The following FRMD4B variants were observed in gnomAD, a reference collection of about 807,000 sequenced individuals.
FRMD4B encodes the protein FERM domain-containing protein 4B.
Under a neutral mutation model 141.5 loss-of-function variants are expected in FRMD4B, and 74 were observed. That is an observed-to-expected ratio of 0.52 (90% confidence interval 0.43 to 0.63). FRMD4B has a LOEUF of 0.63. FRMD4B is among the 30% of genes least tolerant of loss of function. The probability of loss-of-function intolerance (pLI) is 0.00; values close to 1 mark genes in which losing one functional copy is unlikely to be tolerated. For synonymous variants in FRMD4B, 506 were observed against 467.9 expected (o/e 1.08, Z -1.05); for missense variants, 1,366 against 1,253.4 (o/e 1.09, Z -1.36).
intron 7 of FRMD4B, among the ~76,000 whole-genome samples, chr3:69,241,855 C>T (rs550125335): frequency 1.3e-5 from 2 of 151,314 alleles, no homozygotes; most frequent in Non-Finnish European, 1.5e-5. Flanking sequence ...GGCAACACAG[C>T]GAGGATCCAT....
chr3:69,181,330 G>A lies in FRMD4B; in HGVS notation c.2420C>T (p.Ala807Val), dbSNP rs1399554020. The A allele has an allele frequency of 1.9e-6, 3 of 1,613,748 alleles. No individual in the cohort carries two copies. Among genetic ancestry groups the A allele is most frequent in the Non-Finnish European group, 1.7e-6 (2 of 1,179,806 alleles). The change falls in exon 21 of 23, where the codon GCC becomes GTC. Residue 807 changes from alanine (A) to valine (V), a missense_variant. Coordinates refer to ENST00000398540, the MANE Select transcript of FRMD4B (RefSeq NM_015123.3). The part of the protein sequence containing the change: ...QEPPSSSYYI[A>V]GYTPYAECDF... ...ACACTCTGCATAGGGTGTGTACCCG[G>A]CAATGTAGTAACTGGAAGACGGTGG...
intron 1 of FRMD4B, among the ~76,000 whole-genome samples, chr3:69,529,573 C>T (rs1375376862): frequency 6.6e-6 from 1 of 152,146 alleles, no homozygotes; most frequent in African/African-American, 2.4e-5. Flanking sequence ...CACACCCATC[C>T]TCAAAGGGCA....
chr3:69,502,604 T>G (rs1706517016), intron 1 of FRMD4B, among the ~76,000 whole-genome samples: 1 of 152,136 alleles, frequency 6.6e-6, no homozygotes, highest in African/African-American at 2.4e-5. Flanking sequence ...GGCAATACCA[T>G]TCAGGACATA....
In FRMD4B at chr3:69,488,812, G is replaced by A. The variant is rs576719343; in HGVS notation, c.-129+53394C>T. 6.0e-4 allele frequency among the ~76,000 whole-genome samples: 86 copies of A among 143,872 alleles called. 1 individual carries two copies. Among genetic ancestry groups the A allele is most frequent in the Non-Finnish European group, 1.1e-3 (72 of 67,194 alleles). The allele number at this position is 143,872 out of a possible 152,430, so 94.4% of individuals were successfully genotyped here. ...GGAGGCTGAGGCAAGAGAATCACTCGAACCCAGAAGGCAGAGGTTGCAGTG... is the reference window on the plus strand; with the variant it reads ...GGAGGCTGAGGCAAGAGAATCACTCAAACCCAGAAGGCAGAGGTTGCAGTG... On this transcript the variant is annotated intron_variant, in intron 1 of 5. Coordinates refer to the FRMD4B transcript ENST00000459638.
chr3:69,481,444 A>G (rs1052693296), intron 1 of FRMD4B, among the ~76,000 whole-genome samples: 9 of 152,128 alleles, frequency 5.9e-5, no homozygotes, highest in African/African-American at 2.2e-4. Context: ...ACCTATCAGG[A>G]CTTTTTTGGT....
chr3:69,178,651 G>A (rs2092674453), intron 21 of FRMD4B, among the ~76,000 whole-genome samples: 1 of 145,530 alleles, frequency 6.9e-6, no homozygotes, highest in South Asian at 2.2e-4. Context: ...CAATGTGGGT[G>A]ACAGACTGAG....
intron 1 of FRMD4B, among the ~76,000 whole-genome samples, chr3:69,380,287 C>G (rs1040457143): frequency 2.6e-5 from 4 of 152,156 alleles, no homozygotes; most frequent in East Asian, 1.9e-4. Context: ...TTCACAGTCT[C>G]TCTTACTGAG....
chr3:69,340,769 T>A (rs1207728406), intron 1 of FRMD4B, among the ~76,000 whole-genome samples: 1 of 152,190 alleles, frequency 6.6e-6, no homozygotes, highest in African/African-American at 2.4e-5. Context: ...GTCTTTTAGT[T>A]CTCTATACTT....
chr3:69,358,719 C>G (rs7611647), intron 1 of FRMD4B, among the ~76,000 whole-genome samples: 43,552 of 152,050 alleles, frequency 0.29, 7,575 homozygotes, highest in East Asian at 0.6. Context: ...CTGGGTGACA[C>G]AGTGAGACCC....
rs2092890152 is a variant in FRMD4B, at chr3:69,195,300, C to T, written c.1299G>A (p.Lys433=). The T allele has an allele frequency of 6.2e-7, 1 of 1,613,224 alleles. No homozygotes were observed. Among genetic ancestry groups the T allele is most frequent in the African/African-American group, 1.3e-5 (1 of 74,838 alleles). The change falls in exon 15 of 23, where the codon AAG becomes AAA. Residue 433 remains lysine (K), a synonymous_variant. Transcript: ENST00000398540. ...GAAGTTTTTCTTGTAATAGTTTCTC[C>T]TTCTTCTTTAGTTCAAGGATTTTTT... is the stretch of plus-strand genomic sequence containing the variant. ...KREKILELKK[K]EKLLQEKLLK... is the part of the protein sequence containing the mutation.
rs75996214 is a variant in FRMD4B, at chr3:69,232,652, G to A, written c.582-7962C>T. Among the ~76,000 whole-genome samples, 370 of 152,226 alleles carry A rather than the reference G, an allele frequency of 2.4e-3. 11 individuals are homozygous for A. The East Asian group carries it at 0.062, about 25-fold the overall frequency. ...TTTGTGTGTGCTGGAGTACTTGTGT[G>A]GAAAAAGCCACCCCCAGCAAATGGG... On this transcript the variant is annotated intron_variant, in intron 7 of 22. Transcript: ENST00000398540.
rs2092578940 is a variant in FRMD4B at position 69,170,811 on chromosome 3, CTTTTTT to C, written c.*1044_*1049del. On this transcript the variant is annotated 3_prime_UTR_variant, in exon 23 of 23. Coordinates refer to ENST00000398540, the MANE Select transcript of FRMD4B (RefSeq NM_015123.3). ...GCTTTTTGTCGTTGTTGTTGTTTTT[CTTTTTT>C]AATGTTAACCTTGTTTTTGTCACTT... 1 of 151,928 alleles carries C rather than the reference CTTTTTT, an allele frequency of 6.6e-6. No homozygotes were observed. The highest frequency in any genetic ancestry group is 1.5e-5 in the Non-Finnish European group (1 of 67,954). 9.4% of individuals were successfully genotyped at this position (151,928 alleles called of 1,614,324 possible). A position where few individuals can be genotyped will look rare whatever the true frequency, so the allele number is the denominator to read the frequency against.
intron 1 of FRMD4B, among the ~76,000 whole-genome samples, chr3:69,361,457 A>AT (rs1703467910): frequency 6.6e-6 from 1 of 152,154 alleles, no homozygotes; most frequent in Non-Finnish European, 1.5e-5. Context: ...TGTTATCCAC[A>AT]TCCCCCCCAA....
chr3:69,370,122 T>G (rs1417392523), intron 1 of FRMD4B, among the ~76,000 whole-genome samples: 1 of 151,780 alleles, frequency 6.6e-6, no homozygotes, highest in Non-Finnish European at 1.5e-5. Flanking sequence ...GTTTTTTTTT[T>G]TTTCTTTTGC....
chr3:69,347,745 T>C (rs984810662), intron 1 of FRMD4B, among the ~76,000 whole-genome samples: 1 of 152,038 alleles, frequency 6.6e-6, no homozygotes, highest in Non-Finnish European at 1.5e-5. Flanking sequence ...GGGTACATAA[T>C]GAAATGAAGG....
chr3:69,215,721 T>C (rs79046758), intron 11 of FRMD4B, among the ~76,000 whole-genome samples: 2,979 of 152,264 alleles, frequency 0.02, 104 homozygotes, highest in African/African-American at 0.069. Flanking sequence ...CATTGAGAGA[T>C]CACTAGCACC....
At chr3:69,476,215 C>T (rs999309360) in intron 1 of FRMD4B, among the ~76,000 whole-genome samples, 16 of 151,730 alleles carry the variant, frequency 1.1e-4, no homozygotes. Flanking sequence ...TAATTAGATC[C>T]CATTTGTCAA....
chr3:69,189,507 T>C (rs1401936436), intron 18 of FRMD4B, among the ~76,000 whole-genome samples: 1 of 152,190 alleles, frequency 6.6e-6, no homozygotes, highest in Non-Finnish European at 1.5e-5. Flanking sequence ...ACTCCAGATA[T>C]ATAAGATGTC....
At chr3:69,240,667 T>C (rs1475011459) in intron 7 of FRMD4B, among the ~76,000 whole-genome samples, 1 of 152,210 alleles carries the variant, frequency 6.6e-6, no homozygotes, top group African/African-American at 2.4e-5. Context: ...TCTTCCTGTA[T>C]GTGTGATTCA....
Sources: allele counts gnomAD v4.1 joint callset (sites outside exome capture counted in the v4.1 genomes callset), GRCh38; gene constraint gnomAD v4.1.1; transcripts MANE v1.5; gene names NCBI Gene and HGNC (gene_info 2026-07-23, HGNC 2026-07-21).